The following SLC10A2 variants were observed in gnomAD, a reference collection of about 807,000 sequenced individuals.
The protein encoded by SLC10A2 is ileal sodium/bile acid cotransporter.
SLC10A2 carries 34 observed loss-of-function variants against 27.1 expected under a neutral mutation model. The observed-to-expected ratio is 1.26, with a 90% CI of 0.96 to 1.67. SLC10A2 has a LOEUF of 1.67. SLC10A2 is among the 40% of genes most tolerant of loss of function. The pLI is 0.00. For synonymous variants in SLC10A2, 205 were observed against 174.0 expected (o/e 1.18, Z -1.40); for missense variants, 530 against 444.4 (o/e 1.19, Z -1.73).
At chr13:103,061,220 C>A (rs1350902710) in intron 1 of SLC10A2, among the ~76,000 whole-genome samples, 1 of 152,102 alleles carries the variant, frequency 6.6e-6, no homozygotes, top group Non-Finnish European at 1.5e-5. Flanking sequence ...GAATTGTACA[C>A]CAGACAAACA....
chr13:103,060,439 C>T (rs2138923301), intron 1 of SLC10A2, among the ~76,000 whole-genome samples: 1 of 145,378 alleles, frequency 6.9e-6, no homozygotes, highest in South Asian at 2.2e-4. Flanking sequence ...GGCCAGAGTA[C>T]AGGGTCACCA....
Position 103,049,306 on chromosome 13 carries a change from G to T in SLC10A2, c.902C>A (p.Ala301Asp), listed in dbSNP as rs1244527288. The change falls in exon 5 of 6, where the codon GCC (alanine) becomes GAC (aspartate). Residue 301 changes from alanine to aspartate, a missense_variant. Physicochemically the swap from Ala to Asp is moderately radical, Grantham distance 126. Coordinates refer to ENST00000245312, the MANE Select transcript of SLC10A2 (RefSeq NM_000452.3). ...TTCCTTACATCCTAAGAATATTGCG[G>T]CAAAGGCGAGCTGGAAAATGCTGTA... ...LIYSIFQLAFAAIFLGFYVAY... is the reference protein window; with the variant it reads ...LIYSIFQLAFDAIFLGFYVAY... 2 of 1,613,580 alleles carry T rather than the reference G, an allele frequency of 1.2e-6. No individual in the cohort carries two copies. Among genetic ancestry groups the T allele is most frequent in the African/African-American group, 2.7e-5 (2 of 74,884 alleles).
intron 5 of SLC10A2, among the ~76,000 whole-genome samples, chr13:103,047,238 C>T (rs1875639499): frequency 6.6e-6 from 1 of 152,120 alleles, no homozygotes. Context: ...TTATGATACA[C>T]AGCTGAGAGA....
intron 1 of SLC10A2, among the ~76,000 whole-genome samples, chr13:103,061,479 T>C (rs1224245297): frequency 4.6e-5 from 7 of 152,144 alleles, no homozygotes; most frequent in Non-Finnish European, 1.0e-4. Context: ...ATTTATTAAC[T>C]GGGTTCCAGT....
chr13:103,060,256 G>A (rs1876072308), intron 1 of SLC10A2, among the ~76,000 whole-genome samples: 2 of 152,062 alleles, frequency 1.3e-5, no homozygotes, highest in South Asian at 4.1e-4. Context: ...GTTAATTTGA[G>A]TAATTTAGTT....
rs1453809330 is a variant in SLC10A2, at chr13:103,051,529, T to C, written c.586-97A>G. The C allele has an allele frequency of 9.9e-6, 13 of 1,307,848 alleles. No individual in the cohort carries two copies. In the Admixed American group the frequency reaches 1.9e-4, roughly 19 times the overall value. The allele number at this position is 1,307,848 out of a possible 1,614,324, so 81.0% of individuals were successfully genotyped here. The stretch of plus-strand genomic sequence containing the variant: ...AAAACCTCAGCAGTCTCCTTGTCCC[T>C]GGGGGAAGTGATGATAAAGTTGTCT... On this transcript the variant is annotated intron_variant, in intron 3 of 5. Transcript: ENST00000245312.
intron 1 of SLC10A2, among the ~76,000 whole-genome samples, chr13:103,060,157 C>G (rs1445352106): frequency 6.6e-6 from 1 of 152,126 alleles, no homozygotes; most frequent in East Asian, 1.9e-4. Context: ...TCAAAGGGAT[C>G]TGTACACAGC....
At chr13:103,060,902 C>CA (rs976455462) in intron 1 of SLC10A2, among the ~76,000 whole-genome samples, 1 of 151,048 alleles carries the variant, frequency 6.6e-6, no homozygotes, top group Non-Finnish European at 1.5e-5. Flanking sequence ...ACAACAACAA[C>CA]ACACTATACT....
intron 2 of SLC10A2, among the ~76,000 whole-genome samples, chr13:103,053,856 G>GA (rs11408919): frequency 0.36 from 53,461 of 150,484 alleles, 10,381 homozygotes; most frequent in African/African-American, 0.53. Context: ...CTAAGAGTAG[G>GA]AAAAAAAAAG....
intron 4 of SLC10A2, 108 bp from the exon 5 acceptor site, chr13:103,049,554 A>C: frequency 9.1e-7 from 1 of 1,101,430 alleles, no homozygotes; most frequent in Admixed American, 2.0e-5. Flanking sequence ...CTCTGCTTTT[A>C]ATGCATGTAT....
intron 1 of SLC10A2, among the ~76,000 whole-genome samples, chr13:103,062,820 G>A (rs1234597703): frequency 6.6e-6 from 1 of 152,160 alleles, no homozygotes; most frequent in Non-Finnish European, 1.5e-5. Flanking sequence ...AGGAACTGGG[G>A]GCAACTGGGA....
intron 2 of SLC10A2, 123 bp downstream of exon 2, chr13:103,058,141 A>G: frequency 1.3e-6 from 1 of 772,632 alleles, no homozygotes. Context: ...TTTATAATGA[A>G]ATCAGGCAAA....
rs1875587947 is a variant in SLC10A2 at position 103,045,719 on chromosome 13, T to A, written c.*414A>T. The A allele has an allele frequency of 2.5e-5, 4 of 160,504 alleles. No individual in the cohort carries two copies. Among genetic ancestry groups the A allele is most frequent in the African/African-American group, 9.6e-5 (4 of 41,616 alleles). 9.9% of individuals were successfully genotyped at this position (160,504 alleles called of 1,614,324 possible). Reference sequence around the variant, plus strand: ...ACACTGAAGAAAATCGTGACCACTGTAATAATAATAATTCATTACATCTAC... The same window carrying A: ...ACACTGAAGAAAATCGTGACCACTGAAATAATAATAATTCATTACATCTAC... On this transcript the variant is annotated 3_prime_UTR_variant, in exon 6 of 6. Coordinates refer to ENST00000245312, the MANE Select transcript of SLC10A2 (RefSeq NM_000452.3).
In SLC10A2 at chr13:103,062,330, T is replaced by C. The variant is rs144778312; in HGVS notation, c.377+3543A>G. ...ATTCCAATTCTGACTCAGGCATACATTGACTCAATGACCTTGGTCAAGGTT... is the reference window on the plus strand; with the variant it reads ...ATTCCAATTCTGACTCAGGCATACACTGACTCAATGACCTTGGTCAAGGTT... On this transcript the variant is annotated intron_variant, in intron 1 of 5. Coordinates refer to ENST00000245312, the MANE Select transcript of SLC10A2 (RefSeq NM_000452.3). Among the ~76,000 whole-genome samples the C allele has an allele frequency of 1.1e-3, 173 of 152,356 alleles. 1 individual carries two copies. Among genetic ancestry groups the C allele is most frequent in the African/African-American group, 3.8e-3 (156 of 41,596 alleles).
At chr13:103,055,123 C>T (rs973264038) in intron 2 of SLC10A2, among the ~76,000 whole-genome samples, 1 of 152,168 alleles carries the variant, frequency 6.6e-6, no homozygotes, top group Non-Finnish European at 1.5e-5. Context: ...ACTGTGGGAA[C>T]TGTGCAAATC....
chr13:103,066,064 T>C lies in SLC10A2; in HGVS notation c.186A>G (p.Ile62Met). 1 of 1,614,190 alleles carries C rather than the reference T, an allele frequency of 6.2e-7. No individual in the cohort carries two copies. Among genetic ancestry groups the C allele is most frequent in the East Asian group, 2.2e-5 (1 of 44,882 alleles). The change falls in exon 1 of 6, where the codon ATA becomes ATG. Residue 62 changes from isoleucine (I) to methionine (M), a missense_variant. Coordinates refer to ENST00000245312, the MANE Select transcript of SLC10A2 (RefSeq NM_000452.3). ...CAACACAAATGCCCCACGGCCGCTT[T>C]ATGTGCCCTAGAAATTTCTTGATTT... The part of the protein sequence containing the change: ...NVEIKKFLGH[I>M]KRPWGICVGF...
At chr13:103,060,310 T>A (rs186395254) in intron 1 of SLC10A2, among the ~76,000 whole-genome samples, 10 of 152,028 alleles carry the variant, frequency 6.6e-5, no homozygotes, top group Admixed American at 6.6e-4. Flanking sequence ...GCTGTAAGGA[T>A]AGAATGAGCC....
Position 103,046,128 on chromosome 13 carries a change from G to GA in SLC10A2, c.*4dup. 6.2e-7 allele frequency: 1 copy of GA among 1,613,588 alleles called. No individual in the cohort carries two copies. The highest frequency in any genetic ancestry group is 8.5e-7 in the Non-Finnish European group (1 of 1,179,720). ...TGGAACTCGTCTGTTTTGTCCACTT[G>GA]ATGTCTACTTTTCGTCAGGTTGAAA... On this transcript the variant is annotated 3_prime_UTR_variant, in exon 6 of 6. Transcript: ENST00000245312.
chr13:103,056,500 A>T (rs1875942274), intron 2 of SLC10A2, among the ~76,000 whole-genome samples: 1 of 152,188 alleles, frequency 6.6e-6, no homozygotes, highest in African/African-American at 2.4e-5. Context: ...GTCATTTCTC[A>T]GAAGGGAATG....
Sources: allele counts gnomAD v4.1 joint callset (sites outside exome capture counted in the v4.1 genomes callset), GRCh38; gene constraint gnomAD v4.1.1; transcripts MANE v1.5; gene names NCBI Gene and HGNC (gene_info 2026-07-23, HGNC 2026-07-21).